MRRF: variants seen among roughly 807,000 people sequenced by gnomAD.
MRRF encodes the protein ribosome-recycling factor, mitochondrial.
In MRRF, 18 loss-of-function variants were observed where a neutral mutation model predicts 25.1. The ratio of observed to expected loss-of-function variants is 0.72; its 90% CI spans 0.50 to 1.06. The LOEUF is 1.06. Among genes scored for constraint, MRRF ranks in the 50% least tolerant of loss-of-function variants. MRRF has a pLI of 0.00. For missense variants in MRRF, 323 were observed against 319.3 expected (o/e 1.01, Z -0.09); for synonymous variants, 113 against 112.1 (o/e 1.01, Z -0.05).
chr9:122,318,476 A>G (rs769090307), intron 6 of MRRF, among the ~76,000 whole-genome samples: 3 of 152,236 alleles, frequency 2.0e-5, no homozygotes, highest in Non-Finnish European at 4.4e-5. Context: ...TAGCAGAGCT[A>G]AAGGAGGGAA....
At chr9:122,278,121 T>C (rs1336205566) in intron 2 of MRRF, among the ~76,000 whole-genome samples, 1 of 152,114 alleles carries the variant, frequency 6.6e-6, no homozygotes, top group African/African-American at 2.4e-5. Context: ...TCCCATTAGA[T>C]TAAATTTCTT....
At chr9:122,278,726 T>C (rs148975689) in intron 2 of MRRF, among the ~76,000 whole-genome samples, 17 of 152,332 alleles carry the variant, frequency 1.1e-4, no homozygotes, top group Non-Finnish European at 2.5e-4. Flanking sequence ...TCTTGGAAAG[T>C]GTTCTAAGTT....
chr9:122,286,237 C>A, intron 4 of MRRF: 1 of 1,270,916 alleles, frequency 7.9e-7, no homozygotes, highest in Non-Finnish European at 1.0e-6. Flanking sequence ...CAAGGTTGGA[C>A]CTGTTGTATT....
intron 1 of MRRF, chr9:122,265,718 C>T (rs1331821648): frequency 1.6e-6 from 2 of 1,284,452 alleles, no homozygotes; most frequent in Admixed American, 2.3e-5. Context: ...GTAGAGCTGC[C>T]GCAAATGCTT....
chr9:122,310,958 A>G (rs531982052), intron 5 of MRRF, among the ~76,000 whole-genome samples: 2 of 152,352 alleles, frequency 1.3e-5, no homozygotes, highest in African/African-American at 4.8e-5. Context: ...TGAGGAAGTA[A>G]TTAAACATGT....
chr9:122,277,696 A>G (rs1030935703), intron 2 of MRRF, among the ~76,000 whole-genome samples: 1 of 152,070 alleles, frequency 6.6e-6, no homozygotes, highest in Non-Finnish European at 1.5e-5. Flanking sequence ...GACTACAGGC[A>G]TACGCCACCA....
Position 122,325,214 on chromosome 9 carries a change from T to G in MRRF, c.*2597T>G, listed in dbSNP as rs539963479. The G allele has an allele frequency of 6.6e-6, 1 of 152,342 alleles. No individual in the cohort carries two copies. The highest frequency in any genetic ancestry group is 1.9e-4 in the East Asian group (1 of 5,190). 9.4% of individuals were successfully genotyped at this position (152,342 alleles called of 1,614,324 possible). On this transcript the variant is annotated 3_prime_UTR_variant, in exon 7 of 7. Coordinates refer to ENST00000344641, the MANE Select transcript of MRRF (RefSeq NM_138777.5). ...AATGAAAGATTTTCTGTACTTGGGT[T>G]CCACATGTCAACAATTTCTCTCCTG...
At chr9:122,321,131 C>CATCAGTAAAAT (rs1401270015) in intron 6 of MRRF, among the ~76,000 whole-genome samples, 1 of 152,198 alleles carries the variant, frequency 6.6e-6, no homozygotes, top group Non-Finnish European at 1.5e-5. Flanking sequence ...CCTGTCTTCC[C>CATCAGTAAAAT]ATCAGTAAAA....
At chr9:122,269,082 C>T (rs932454070) in intron 1 of MRRF, among the ~76,000 whole-genome samples, 2 of 151,380 alleles carry the variant, frequency 1.3e-5, no homozygotes, top group Non-Finnish European at 1.5e-5. Context: ...AGTAGAATGG[C>T]GTGTACCCGG....
intron 1 of MRRF, among the ~76,000 whole-genome samples, chr9:122,268,775 T>C (rs1475925048): frequency 3.9e-5 from 6 of 152,226 alleles, no homozygotes; most frequent in Non-Finnish European, 7.3e-5. Flanking sequence ...TTTATAGACT[T>C]CATACACTGA....
intron 2 of MRRF, among the ~76,000 whole-genome samples, chr9:122,275,443 G>A (rs1427993331): frequency 6.6e-6 from 1 of 152,006 alleles, no homozygotes; most frequent in Non-Finnish European, 1.5e-5. Context: ...GATCAGTCTG[G>A]GCAATGTGGT....
At chr9:122,319,519 C>A (rs973367373) in intron 6 of MRRF, among the ~76,000 whole-genome samples, 1 of 152,104 alleles carries the variant, frequency 6.6e-6, no homozygotes, top group Admixed American at 6.6e-5. Flanking sequence ...CCTATTCTAC[C>A]TGCTTCATAG....
At chr9:122,276,788 GT>G (rs1002966880) in intron 2 of MRRF, among the ~76,000 whole-genome samples, 4 of 152,018 alleles carry the variant, frequency 2.6e-5, no homozygotes, top group African/African-American at 4.8e-5. Context: ...CAACTTTTCT[GT>G]TTTTTTATTT....
chr9:122,320,401 C>T (rs1835825008), intron 6 of MRRF, among the ~76,000 whole-genome samples: 1 of 152,188 alleles, frequency 6.6e-6, no homozygotes, highest in Admixed American at 6.5e-5. Context: ...TCTCCCTCCT[C>T]CCAGTCCCCA....
At chr9:122,313,083 TTCC>T (rs1320033497) in intron 5 of MRRF, 141 bp from the exon 6 acceptor site, 2 of 877,040 alleles carry the variant, frequency 2.3e-6, no homozygotes, top group Admixed American at 2.1e-5. Context: ...TACATGCGTT[TTCC>T]TCCTCCTGGA....
chr9:122,314,829 G>A lies in MRRF; in HGVS notation c.711+1443G>A, dbSNP rs796309489. ...ACCTGAGTGGCACCTGTGGAAAGAT[G>A]TGGAGATAGAATTAGTAATGTTCAA... is the stretch of plus-strand genomic sequence containing the variant. On this transcript the variant is annotated intron_variant, in intron 6 of 6. Transcript: ENST00000344641. Among the ~76,000 whole-genome samples, 5 of 152,326 alleles carry A rather than the reference G, an allele frequency of 3.3e-5. No homozygotes were observed. In the East Asian group the frequency reaches 7.7e-4, roughly 23 times the overall value.
Position 122,317,484 on chromosome 9 carries a change from A to G in MRRF, c.711+4098A>G, listed in dbSNP as rs181682859. ...TTCATTGATATATATAATAGTAGAA[A>G]ACTGGAAACTGTCTATAAATTTCTG... On this transcript the variant is annotated intron_variant, in intron 6 of 6. Coordinates refer to ENST00000344641, the MANE Select transcript of MRRF (RefSeq NM_138777.5). Among the ~76,000 whole-genome samples, 332 of 152,284 alleles carry G rather than the reference A, an allele frequency of 2.2e-3. 1 individual carries two copies. The highest frequency in any genetic ancestry group is 7.3e-3 in the African/African-American group (305 of 41,570).
intron 6 of MRRF, among the ~76,000 whole-genome samples, chr9:122,318,343 A>G (rs1283192365): frequency 1.3e-5 from 2 of 152,152 alleles, no homozygotes; most frequent in South Asian, 2.1e-4. Context: ...TTGGTTTGCT[A>G]TAAATGAGCC....
chr9:122,302,366 C>T (rs1209295568), intron 5 of MRRF, among the ~76,000 whole-genome samples: 15 of 152,214 alleles, frequency 9.9e-5, no homozygotes. Context: ...GAACCTTCTC[C>T]TAGGGATTGC....
Sources: gnomAD v4.1 joint callset for allele counts (sites outside exome capture counted in the v4.1 genomes callset) on GRCh38, gnomAD v4.1.1 for gene constraint, MANE v1.5 for transcripts, NCBI Gene and HGNC (gene_info 2026-07-23, HGNC 2026-07-21) for gene names.